AHDC1: variants seen among roughly 807,000 people sequenced by gnomAD.
AHDC1 encodes transcription factor Gibbin.
A neutral mutation model predicts 87.9 loss-of-function variants in AHDC1; 7 were observed. That is an observed-to-expected ratio of 0.08 (90% CI 0.05 to 0.15). The LOEUF is 0.15. Ranked by LOEUF, AHDC1 falls within the 10% of genes least tolerant of loss-of-function variation. The pLI is 1.00. For missense variants in AHDC1, 1,841 were observed against 2,253.2 expected, an observed-to-expected ratio of 0.82 and a Z score of 3.70; for synonymous variants, 1,051 against 1,006.8, an observed-to-expected ratio of 1.04 and a Z score of -0.83.
At chr1:27,544,235 C>T (rs1057203350) in intron 8 of AHDC1, among the ~76,000 whole-genome samples, 2 of 152,090 alleles carry the variant, frequency 1.3e-5, no homozygotes, top group Non-Finnish European at 1.5e-5. Flanking sequence ...AGTGAGGCAG[C>T]GTTACATAAA....
rs1312180725 is a variant in AHDC1, at chr1:27,560,409, T to C, written c.-628-1526A>G. Among the ~76,000 whole-genome samples, 7 of 152,006 alleles carry C rather than the reference T, an allele frequency of 4.6e-5. No homozygotes were observed. Among genetic ancestry groups the C allele is most frequent in the Admixed American group, 3.3e-4 (5 of 15,274 alleles). On this transcript the variant is annotated intron_variant, in intron 3 of 8. Transcript: ENST00000673934. This position sits in a 1 kb window ranked among gnomAD's most constrained non-coding sequence, Gnocchi z 4.1. ...TGCCTGTCTCAGAGCTCTCTGGATGTGTGTTTGGCAGGGGGTGGGGGCGTG... is the reference window on the plus strand; with the variant it reads ...TGCCTGTCTCAGAGCTCTCTGGATGCGTGTTTGGCAGGGGGTGGGGGCGTG...
At chr1:27,566,366 C>G (rs1373544598) in intron 3 of AHDC1, among the ~76,000 whole-genome samples, 2 of 151,042 alleles carry the variant, frequency 1.3e-5, no homozygotes, top group Admixed American at 1.3e-4. Flanking sequence ...AAGAAAGAGA[C>G]TCAGGAAGAG....
Position 27,551,051 on chromosome 1 carries a change from C to T in AHDC1, c.1065G>A (p.Gly355=). The change falls in exon 8 of 9, where the codon GGG becomes GGA. Residue 355 remains glycine, a synonymous_variant. Coordinates refer to ENST00000673934, the MANE Select transcript of AHDC1 (RefSeq NM_001371928.1). ...GRRLEPQQPL[G]HCPLAEPLRL... Reference sequence around the variant, plus strand: ...GCAAGGGCTCGGCCAGTGGGCAGTGCCCCAGGGGCTGCTGGGGCTCCAGAC... The same window carrying T: ...GCAAGGGCTCGGCCAGTGGGCAGTGTCCCAGGGGCTGCTGGGGCTCCAGAC... The T allele has an allele frequency of 6.4e-7, 1 of 1,558,810 alleles. No individual in the cohort carries two copies. Among genetic ancestry groups the T allele is most frequent in the South Asian group, 1.2e-5 (1 of 85,088 alleles).
chr1:27,592,370 C>G (rs1421131482), intron 3 of AHDC1, among the ~76,000 whole-genome samples: 2 of 152,172 alleles, frequency 1.3e-5, no homozygotes, highest in Non-Finnish European at 2.9e-5. Flanking sequence ...CCATCACCTG[C>G]ACCACCTGTC....
At chr1:27,567,570 G>A (rs973498314) in intron 3 of AHDC1, among the ~76,000 whole-genome samples, 4 of 152,028 alleles carry the variant, frequency 2.6e-5, no homozygotes, top group South Asian at 2.1e-4. Context: ...CTATTGGTGG[G>A]GGCAGTGCTG....
rs1319173293 is a variant in AHDC1, at chr1:27,585,869, G to A, written c.-629+17528C>T. ...CTGCTTAGTTGCTATGTGACCCTGG[G>A]CAAGTTACTTAGCCTCTCTGAGCCT... On this transcript the variant is annotated intron_variant, in intron 3 of 8. Coordinates refer to ENST00000673934, the MANE Select transcript of AHDC1 (RefSeq NM_001371928.1). Among the ~76,000 whole-genome samples, 3 of 152,194 alleles carry A rather than the reference G, an allele frequency of 2.0e-5. No individual in the cohort carries two copies. In the East Asian group the frequency reaches 5.8e-4, roughly 29 times the overall value.
chr1:27,578,848 C>T (rs1382630743), intron 3 of AHDC1, among the ~76,000 whole-genome samples: 1 of 151,802 alleles, frequency 6.6e-6, no homozygotes, highest in Non-Finnish European at 1.5e-5. Flanking sequence ...AGGTGCCTGC[C>T]ACCATGCCCA....
chr1:27,589,281 T>TTGTCTTTGTC (rs2089155728), intron 3 of AHDC1, among the ~76,000 whole-genome samples: 1 of 152,152 alleles, frequency 6.6e-6, no homozygotes, highest in Non-Finnish European at 1.5e-5. Context: ...GGGCATTTCT[T>TTGTCTTTGTC]TGTCTTTGTC....
Position 27,562,331 on chromosome 1 carries a change from C to A in AHDC1, c.-628-3448G>T, listed in dbSNP as rs964801780. Among the ~76,000 whole-genome samples, 1 of 152,142 alleles carries A rather than the reference C, an allele frequency of 6.6e-6. No individual in the cohort carries two copies. The highest frequency in any genetic ancestry group is 2.1e-4 in the South Asian group (1 of 4,826). Reference sequence around the variant, plus strand: ...GAAATCCAATATCCTCCCCGGTGCACTGATCGACTGACTACCTGAGCTCCC... The same window carrying A: ...GAAATCCAATATCCTCCCCGGTGCAATGATCGACTGACTACCTGAGCTCCC... On this transcript the variant is annotated intron_variant, in intron 3 of 8. Transcript: ENST00000673934. This position sits in a 1 kb window ranked among gnomAD's most constrained non-coding sequence, Gnocchi z 4.4.
chr1:27,599,155 C>T (rs1289749699), intron 3 of AHDC1, among the ~76,000 whole-genome samples: 3 of 152,172 alleles, frequency 2.0e-5, no homozygotes, highest in Non-Finnish European at 4.4e-5. Flanking sequence ...TCCATATTGG[C>T]TACACCCTCC....
In AHDC1 at chr1:27,548,390, G is replaced by C. The variant is rs749457548; in HGVS notation, c.3726C>G (p.Phe1242Leu). ...TCGGGAAGCCCAGATGTGAGGCCTCGAACAGGTCCACCTTCTTCCGCCGTC... is the reference window on the plus strand; with the variant it reads ...TCGGGAAGCCCAGATGTGAGGCCTCCAACAGGTCCACCTTCTTCCGCCGTC... Reference protein sequence around the residue: ...GRGRRKKVDLFEASHLGFPTS... With the variant: ...GRGRRKKVDLLEASHLGFPTS... Residue 1242 changes from phenylalanine (F) to leucine (L), a missense_variant, in exon 8 of 9, where the codon TTC (phenylalanine) becomes TTG (leucine). Physicochemically the swap from Phe to Leu is conservative, Grantham distance 22 (BLOSUM62 0). This residue lies in a region of AHDC1 where 505 missense variants were observed against 626.2 expected (regional missense o/e 0.81). Transcript: ENST00000673934. 3 of 1,608,040 alleles carry C rather than the reference G, an allele frequency of 1.9e-6. No individual in the cohort carries two copies. In the South Asian group the frequency reaches 3.3e-5, roughly 18 times the overall value.
At position 27,549,504 on chromosome 1, in the gene AHDC1, T is replaced by C; in HGVS notation, c.2612A>G (p.Tyr871Cys). The C allele has an allele frequency of 6.2e-7, 1 of 1,613,180 alleles. No homozygotes were observed. Among genetic ancestry groups the C allele is most frequent in the South Asian group, 1.1e-5 (1 of 91,078 alleles). Reference sequence around the variant, plus strand: ...CAGGGCACTGGTGGGTGGCCCTGCATAGGTGCCCGATGCCTTCCGGGACTC... The same window carrying C: ...CAGGGCACTGGTGGGTGGCCCTGCACAGGTGCCCGATGCCTTCCGGGACTC... ...RPESRKASGT[Y>C]AGPPTSALPA... The change falls in exon 8 of 9, where the codon TAT becomes TGT. Residue 871 changes from tyrosine (Y) to cysteine (C), a missense_variant. This residue lies in a region of AHDC1 where 378 missense variants were observed against 399.0 expected (regional missense o/e 0.95). Transcript: ENST00000673934.
intron 3 of AHDC1, among the ~76,000 whole-genome samples, chr1:27,592,189 G>T (rs1226260962): frequency 6.6e-6 from 1 of 152,202 alleles, no homozygotes; most frequent in East Asian, 1.9e-4. Flanking sequence ...GTCTATGTGT[G>T]TGCACACGCA....
At position 27,593,968 on chromosome 1, in the gene AHDC1, G is replaced by A. The variant is rs1457027181; in HGVS notation, c.-629+9429C>T. ...TTCTGTGAGCCTTCCCTCAGCAAGA[G>A]AGGAGGCACGAGGGACCTCTAGGAA... On this transcript the variant is annotated intron_variant, in intron 3 of 8. Transcript: ENST00000673934. The surrounding 1 kb of genome is among the most constrained non-coding windows in gnomAD (Gnocchi z 4.9). Among the ~76,000 whole-genome samples, 1 of 152,152 alleles carries A rather than the reference G, an allele frequency of 6.6e-6. No individual in the cohort carries two copies. The highest frequency in any genetic ancestry group is 1.5e-5 in the Non-Finnish European group (1 of 68,012).
chr1:27,596,140 T>C (rs1178306282), intron 3 of AHDC1, among the ~76,000 whole-genome samples: 1 of 152,026 alleles, frequency 6.6e-6, no homozygotes, highest in Non-Finnish European at 1.5e-5. Flanking sequence ...AACTGGGGGC[T>C]ACCCGCTAGA....
rs1329656186 is a variant in AHDC1 at position 27,563,603 on chromosome 1, C to T, written c.-628-4720G>A. Reference sequence around the variant, plus strand: ...GCCGTCCCTCTGCCTGCAGAGGCGTCACAGCTCACACGGCATGAATGTCAC... The same window carrying T: ...GCCGTCCCTCTGCCTGCAGAGGCGTTACAGCTCACACGGCATGAATGTCAC... On this transcript the variant is annotated intron_variant, in intron 3 of 8. Transcript: ENST00000673934. The surrounding 1 kb of genome is among the most constrained non-coding windows in gnomAD (Gnocchi z 6.1). Among the ~76,000 whole-genome samples the T allele has an allele frequency of 1.3e-5, 2 of 152,208 alleles. No individual in the cohort carries two copies. The highest frequency in any genetic ancestry group is 2.9e-5 in the Non-Finnish European group (2 of 68,036).
At chr1:27,588,483 A>G (rs908325598) in intron 3 of AHDC1, among the ~76,000 whole-genome samples, 7 of 152,238 alleles carry the variant, frequency 4.6e-5, no homozygotes, top group Admixed American at 4.6e-4. Flanking sequence ...AAAAGAATAC[A>G]AGGCCACAGC....
rs540105801 is a variant in AHDC1 at position 27,564,388 on chromosome 1, C to T, written c.-628-5505G>A. ...CTTCAGGCCACAGAGGGCTCCAGCC[C>T]GCCTCCCCTGCTCCCCTGCTTCCTC... is the stretch of plus-strand genomic sequence containing the variant. On this transcript the variant is annotated intron_variant, in intron 3 of 8. Coordinates refer to ENST00000673934, the MANE Select transcript of AHDC1 (RefSeq NM_001371928.1). Among the ~76,000 whole-genome samples the T allele has an allele frequency of 1.5e-4, 23 of 152,370 alleles. No homozygotes were observed. The South Asian group carries it at 2.7e-3, about 18-fold the overall frequency.
Position 27,560,853 on chromosome 1 carries a change from G to A in AHDC1, c.-628-1970C>T, listed in dbSNP as rs1211735007. ...TACCTTTGTGAAGGGCTCAGTGTGT[G>A]AGTGCGTGTGTGCATGCATGTGAGA... On this transcript the variant is annotated intron_variant, in intron 3 of 8. Coordinates refer to ENST00000673934, the MANE Select transcript of AHDC1 (RefSeq NM_001371928.1). This position sits in a 1 kb window ranked among gnomAD's most constrained non-coding sequence, Gnocchi z 4.1. Among the ~76,000 whole-genome samples the A allele has an allele frequency of 6.6e-6, 1 of 151,954 alleles. No homozygotes were observed. Among genetic ancestry groups the A allele is most frequent in the African/African-American group, 2.4e-5 (1 of 41,356 alleles).
Sources: allele counts gnomAD v4.1 joint callset (sites outside exome capture counted in the v4.1 genomes callset), GRCh38; gene constraint gnomAD v4.1.1; regional missense constraint gnomAD v4.1.1; non-coding constraint Gnocchi (gnomAD v3.1); transcripts MANE v1.5; gene names NCBI Gene and HGNC (gene_info 2026-07-23, HGNC 2026-07-21).